The following TOLLIP variants were observed in gnomAD, a reference collection of about 807,000 sequenced individuals.
The protein encoded by TOLLIP is toll interacting protein, also known as toll-interacting protein.
Under a neutral mutation model 33.5 loss-of-function variants are expected in TOLLIP, and 16 were observed. The observed-to-expected ratio is 0.48, with a 90% CI of 0.32 to 0.72. The LOEUF is 0.72. Among genes scored for constraint, TOLLIP ranks in the 30% least tolerant of loss-of-function variants. TOLLIP has a pLI of 0.03. For missense variants in TOLLIP, 325 were observed against 396.6 expected (o/e 0.82, Z 1.53); for synonymous variants, 176 against 163.7 (o/e 1.07, Z -0.57).
chr11:1,290,059 T>G lies in TOLLIP; in HGVS notation c.366+168A>C. The G allele has an allele frequency of 1.6e-6, 1 of 631,190 alleles. No individual in the cohort carries two copies. Among genetic ancestry groups the G allele is most frequent in the South Asian group, 2.0e-5 (1 of 49,992 alleles). 39.1% of individuals were successfully genotyped at this position (631,190 alleles called of 1,614,324 possible). On this transcript the variant is annotated intron_variant, in intron 3 of 5. Coordinates refer to ENST00000317204, the MANE Select transcript of TOLLIP (RefSeq NM_019009.4). The surrounding 1 kb of genome is among the most constrained non-coding windows in gnomAD (Gnocchi z 4.9). ...CAAGGAGCTGGAAACAATCCCTTTT[T>G]CACATTCCTTGGGGAGAGCAGGACC...
Position 1,276,904 on chromosome 11 carries a change from G to A in TOLLIP, c.*135C>T. 1.9e-6 allele frequency: 3 copies of A among 1,562,370 alleles called. No individual in the cohort carries two copies. Among genetic ancestry groups the A allele is most frequent in the Non-Finnish European group, 2.6e-6 (3 of 1,157,170 alleles). On this transcript the variant is annotated 3_prime_UTR_variant, in exon 6 of 6. Coordinates refer to ENST00000317204, the MANE Select transcript of TOLLIP (RefSeq NM_019009.4). ...ATGCACCCAAGAACAGGTGTGGACG[G>A]GGCGGCACAGAAGTCCACGGGAGGG...
At chr11:1,286,169 C>G in intron 4 of TOLLIP, 77 bp from the exon 5 acceptor site, 1 of 1,142,978 alleles carries the variant, frequency 8.7e-7, no homozygotes. Context: ...GCCCTCCCCA[C>G]AATTGCCCTC....
Position 1,290,035 on chromosome 11 carries a change from A to G in TOLLIP, c.366+192T>C. 1.7e-6 allele frequency: 1 copy of G among 600,798 alleles called. No individual in the cohort carries two copies. The highest frequency in any genetic ancestry group is 2.9e-6 in the Non-Finnish European group (1 of 340,468). 37.2% of individuals were successfully genotyped at this position (600,798 alleles called of 1,614,324 possible). On this transcript the variant is annotated intron_variant, in intron 3 of 5. Coordinates refer to ENST00000317204, the MANE Select transcript of TOLLIP (RefSeq NM_019009.4). This position sits in a 1 kb window ranked among gnomAD's most constrained non-coding sequence, Gnocchi z 4.9. The stretch of plus-strand genomic sequence containing the variant: ...GATGTTTCCAAATGTAAGTATGTTC[A>G]AGGAGCTGGAAACAATCCCTTTTTC...
At chr11:1,297,857 G>A (rs887814219) in intron 1 of TOLLIP, among the ~76,000 whole-genome samples, 3 of 152,240 alleles carry the variant, frequency 2.0e-5, no homozygotes, top group Non-Finnish European at 2.9e-5. Flanking sequence ...TCAGGAGGGC[G>A]CTGAGAGGCC....
rs529517240 is a variant in TOLLIP, at chr11:1,278,169, A to G, written c.611-916T>C. On this transcript the variant is annotated intron_variant, in intron 5 of 5. Transcript: ENST00000317204. The surrounding 1 kb of genome is among the most constrained non-coding windows in gnomAD (Gnocchi z 4.7). ...CTCCCTAAAACCACGAGCAGCCCTGAGCACAGGCAGCGTGCGCGGGGCTCA... is the reference window on the plus strand; with the variant it reads ...CTCCCTAAAACCACGAGCAGCCCTGGGCACAGGCAGCGTGCGCGGGGCTCA... 6.6e-6 allele frequency among the ~76,000 whole-genome samples: 1 copy of G among 151,540 alleles called. No homozygotes were observed. Among genetic ancestry groups the G allele is most frequent in the Admixed American group, 6.5e-5 (1 of 15,270 alleles).
Position 1,275,508 on chromosome 11 carries a change from C to T in TOLLIP, c.*1531G>A, listed in dbSNP as rs897109802. On this transcript the variant is annotated 3_prime_UTR_variant, in exon 6 of 6. Transcript: ENST00000317204. ...CAGGGAATCCCAGGGGCCCCTCCGT[C>T]TGAGTGGTCGGCGTCTGCTGAACAA... The T allele has an allele frequency of 6.6e-6, 1 of 152,232 alleles. No homozygotes were observed. The highest frequency in any genetic ancestry group is 2.4e-5 in the African/African-American group (1 of 41,446). 9.4% of individuals were successfully genotyped at this position (152,232 alleles called of 1,614,324 possible).
Position 1,288,558 on chromosome 11 carries a change from C to T in TOLLIP, c.519+66G>A, listed in dbSNP as rs1261631824. ...GAAAGAGACAAGGGTGTCTGTGGGG[C>T]GGCATAGCCCCGACGTGCTCCAACA... is the stretch of plus-strand genomic sequence containing the variant. On this transcript the variant is annotated intron_variant, in intron 4 of 5. Coordinates refer to ENST00000317204, the MANE Select transcript of TOLLIP (RefSeq NM_019009.4). 69 of 1,513,824 alleles carry T rather than the reference C, an allele frequency of 4.6e-5. 1 individual carries two copies. Among genetic ancestry groups the T allele is most frequent in the East Asian group, 2.3e-5 (1 of 43,006 alleles). The allele number at this position is 1,513,824 out of a possible 1,614,324, so 93.8% of individuals were successfully genotyped here.
At chr11:1,285,226 T>G (rs554889315) in intron 5 of TOLLIP, among the ~76,000 whole-genome samples, 24 of 152,266 alleles carry the variant, frequency 1.6e-4, no homozygotes, top group Non-Finnish European at 2.6e-4. Flanking sequence ...GCCTCTGGCC[T>G]CCACCCTCCG....
Position 1,290,529 on chromosome 11 carries a change from C to T in TOLLIP, c.184-120G>A. 1 of 887,614 alleles carries T rather than the reference C, an allele frequency of 1.1e-6. No individual in the cohort carries two copies. The highest frequency in any genetic ancestry group is 1.7e-6 in the Non-Finnish European group (1 of 578,396). The allele number at this position is 887,614 out of a possible 1,614,324, so 55.0% of individuals were successfully genotyped here. A position where few individuals can be genotyped will look rare whatever the true frequency, so the allele number is the denominator to read the frequency against. ...CCTTTTCCTAACACATAGACTACAG[C>T]CACTCAGAGTCGCCTGAACACGGCT... On this transcript the variant is annotated intron_variant, in intron 2 of 5. Transcript: ENST00000317204. This position sits in a 1 kb window ranked among gnomAD's most constrained non-coding sequence, Gnocchi z 4.9.
intron 1 of TOLLIP, chr11:1,305,963 C>T (rs1197629333): frequency 2.0e-5 from 3 of 151,748 alleles, no homozygotes; most frequent in East Asian, 3.9e-4. Context: ...CGGTACCCCT[C>T]GCAGGGGCCC....
rs949051809 is a variant in TOLLIP, at chr11:1,295,227, C to T, written c.183+418G>A. On this transcript the variant is annotated intron_variant, in intron 2 of 5. Coordinates refer to ENST00000317204, the MANE Select transcript of TOLLIP (RefSeq NM_019009.4). ...ACCACGGGCCGGCCCCGAGGCTGAC[C>T]GAGGGCTGCTCTGTGGGGAGGGAGG... is the stretch of plus-strand genomic sequence containing the variant. 5 of 164,318 alleles carry T rather than the reference C, an allele frequency of 3.0e-5. No individual in the cohort carries two copies. The East Asian group carries it at 5.1e-4, about 17-fold the overall frequency. 10.2% of individuals were successfully genotyped at this position (164,318 alleles called of 1,614,324 possible).
rs35743811 is a variant in TOLLIP at position 1,287,164 on chromosome 11, G to A, written c.520-1072C>T. 7.2e-3 allele frequency among the ~76,000 whole-genome samples: 1,097 copies of A among 152,306 alleles called. 9 individuals are homozygous for A. The highest frequency in any genetic ancestry group is 0.011 in the Non-Finnish European group (747 of 68,028). ...TTCTGAGTTCGAAACTGTCAACTGC[G>A]GATAAGTCACTGCACCACTGTCGTC... On this transcript the variant is annotated intron_variant, in intron 4 of 5. Coordinates refer to ENST00000317204, the MANE Select transcript of TOLLIP (RefSeq NM_019009.4).
chr11:1,294,061 C>T (rs1033067646), intron 2 of TOLLIP, among the ~76,000 whole-genome samples: 21 of 152,204 alleles, frequency 1.4e-4, no homozygotes, highest in Non-Finnish European at 2.5e-4. Context: ...CTATGAAAGC[C>T]GCGTGGCTCA....
rs776821338 is a variant in TOLLIP at position 1,295,770 on chromosome 11, C to A, written c.58G>T (p.Asp20Tyr). The A allele has an allele frequency of 2.5e-6, 4 of 1,588,800 alleles. No homozygotes were observed. The highest frequency in any genetic ancestry group is 2.3e-5 in the South Asian group (2 of 88,268). The change falls in exon 2 of 6, where the codon GAC (aspartate) becomes TAC (tyrosine). Residue 20 changes from aspartate to tyrosine, a missense_variant. Physicochemically the swap from Asp to Tyr is radical, Grantham distance 160. Transcript: ENST00000317204. ...GPVYIGELPQ[D>Y]FLRITPTQQQ... ...TGTGTGGGCGTGATGCGGAGGAAGT[C>A]CTGCGGGAGCTCACCGATGTACACC...
In TOLLIP at chr11:1,303,349, C is replaced by T. The variant is rs1357619457; in HGVS notation, c.33+6117G>A. On this transcript the variant is annotated intron_variant, in intron 1 of 5. Coordinates refer to ENST00000317204, the MANE Select transcript of TOLLIP (RefSeq NM_019009.4). This position sits in a 1 kb window ranked among gnomAD's most constrained non-coding sequence, Gnocchi z 4.2. The stretch of plus-strand genomic sequence containing the variant: ...CGGACAGAGATCCAGAGAGGGACGG[C>T]ATGTGACGTGGCAGGCCCTGGGCGC... Among the ~76,000 whole-genome samples the T allele has an allele frequency of 1.3e-5, 2 of 152,016 alleles. No individual in the cohort carries two copies. Among genetic ancestry groups the T allele is most frequent in the Non-Finnish European group, 2.9e-5 (2 of 68,010 alleles).
In TOLLIP at chr11:1,278,103, G is replaced by A. The variant is rs1041572596; in HGVS notation, c.611-850C>T. 5.9e-5 allele frequency among the ~76,000 whole-genome samples: 9 copies of A among 152,292 alleles called. No individual in the cohort carries two copies. The highest frequency in any genetic ancestry group is 3.4e-3 in the Middle Eastern group (1 of 294). On this transcript the variant is annotated intron_variant, in intron 5 of 5. Transcript: ENST00000317204. This position sits in a 1 kb window ranked among gnomAD's most constrained non-coding sequence, Gnocchi z 4.7. The stretch of plus-strand genomic sequence containing the variant: ...CAGCACACACACCCCTGAAGGCACC[G>A]TGTGGCCGGACTTAAGACTCGCCTC...
chr11:1,305,354 G>A (rs151039898), intron 1 of TOLLIP, among the ~76,000 whole-genome samples: 5 of 152,218 alleles, frequency 3.3e-5, no homozygotes, highest in African/African-American at 4.8e-5. Flanking sequence ...CAGCGGAGAC[G>A]GGTAAGTGCC....
intron 1 of TOLLIP, among the ~76,000 whole-genome samples, chr11:1,308,262 C>T (rs1307591844): frequency 6.6e-6 from 1 of 152,150 alleles, no homozygotes; most frequent in Non-Finnish European, 1.5e-5. Flanking sequence ...GGTGCTGTCC[C>T]GGTGATAGTG....
Position 1,278,642 on chromosome 11 carries a change from C to A in TOLLIP, c.611-1389G>T, listed in dbSNP as rs977320519. 1.3e-5 allele frequency among the ~76,000 whole-genome samples: 2 copies of A among 152,204 alleles called. No individual in the cohort carries two copies. Among genetic ancestry groups the A allele is most frequent in the African/African-American group, 4.8e-5 (2 of 41,448 alleles). Reference sequence around the variant, plus strand: ...CCTCTGCTTCTCGGCTCTCTCAGGGCCAGGCCCACCTTTCCTCCACACCCA... The same window carrying A: ...CCTCTGCTTCTCGGCTCTCTCAGGGACAGGCCCACCTTTCCTCCACACCCA... On this transcript the variant is annotated intron_variant, in intron 5 of 5. Coordinates refer to ENST00000317204, the MANE Select transcript of TOLLIP (RefSeq NM_019009.4). The surrounding 1 kb of genome is among the most constrained non-coding windows in gnomAD (Gnocchi z 4.7).
Sources: allele counts gnomAD v4.1 joint callset (sites outside exome capture counted in the v4.1 genomes callset), GRCh38; gene constraint gnomAD v4.1.1; non-coding constraint Gnocchi (gnomAD v3.1); transcripts MANE v1.5; gene names NCBI Gene and HGNC (gene_info 2026-07-23, HGNC 2026-07-21).